Variants in SCAPER observed in about 807,000 individuals in gnomAD.
SCAPER encodes the protein S-phase cyclin A associated protein in the ER.
SCAPER carries 98 observed loss-of-function variants against 182.2 expected under a neutral mutation model. The ratio of observed to expected loss-of-function variants is 0.54; its 90% confidence interval spans 0.46 to 0.64. The LOEUF is 0.64. Ranked by LOEUF, SCAPER falls within the 30% of genes least tolerant of loss-of-function variation. The pLI, the probability that SCAPER is intolerant of heterozygous loss-of-function variation, is 0.00. For missense variants in SCAPER, 1,432 were observed against 1,690.0 expected, an observed-to-expected ratio of 0.85 and a Z score of 2.68; for synonymous variants, 605 against 564.6, an observed-to-expected ratio of 1.07 and a Z score of -1.01.
intron 17 of SCAPER, among the ~76,000 whole-genome samples, chr15:76,721,325 G>A (rs1406529539): frequency 6.6e-5 from 10 of 151,996 alleles, no homozygotes; most frequent in South Asian, 2.1e-4. Context: ...TTTGGTTACT[G>A]TAGCCTTGTA....
intron 2 of SCAPER, among the ~76,000 whole-genome samples, chr15:76,873,909 T>G (rs1348949542): frequency 2.6e-5 from 4 of 152,124 alleles, no homozygotes; most frequent in African/African-American, 9.7e-5. Context: ...TTTTTTTTTT[T>G]TTGAGATGGA....
intron 2 of SCAPER, among the ~76,000 whole-genome samples, chr15:76,882,492 GA>G (rs1039252292): frequency 7.3e-5 from 11 of 151,206 alleles, no homozygotes; most frequent in African/African-American, 2.4e-4. Context: ...TAAAAAAAAA[GA>G]AATCTTCTGG....
intron 22 of SCAPER, among the ~76,000 whole-genome samples, chr15:76,608,322 C>T (rs1318256111): frequency 6.6e-6 from 1 of 152,172 alleles, no homozygotes; most frequent in Non-Finnish European, 1.5e-5. Context: ...GCGGTGGCTG[C>T]AGAACAGCGG....
intron 26 of SCAPER, among the ~76,000 whole-genome samples, chr15:76,426,242 G>A (rs2046416238): frequency 6.6e-6 from 1 of 152,204 alleles, no homozygotes; most frequent in Non-Finnish European, 1.5e-5. Context: ...AGGCCTCCCT[G>A]AGCTGTGGTA....
At chr15:76,464,065 G>A (rs2049401690) in intron 25 of SCAPER, among the ~76,000 whole-genome samples, 1 of 121,234 alleles carries the variant, frequency 8.2e-6, no homozygotes, top group South Asian at 2.8e-4. Flanking sequence ...ATTTTTAGGT[G>A]CATATTACAA....
rs372707308 is a variant in SCAPER at position 76,368,946 on chromosome 15, TAGAA to T, written c.3855+7212_3855+7215del. 3.3e-4 allele frequency among the ~76,000 whole-genome samples: 50 copies of T among 152,304 alleles called. 3 individuals are homozygous for T. In the South Asian group the frequency reaches 0.01, roughly 32 times the overall value. ...TATAATAATTAAATGGGAAGGAATT[TAGAA>T]AGAGTCAAGAAAATGCCATAAAATA... On this transcript the variant is annotated intron_variant, in intron 29 of 31. Coordinates refer to ENST00000563290, the MANE Select transcript of SCAPER (RefSeq NM_020843.4).
At chr15:76,768,396 T>C (rs1314001776) in intron 10 of SCAPER, among the ~76,000 whole-genome samples, 2 of 152,118 alleles carry the variant, frequency 1.3e-5, no homozygotes, top group African/African-American at 4.8e-5. Flanking sequence ...TGAGACAAAC[T>C]AAGACATGAA....
chr15:76,600,222 CCAAA>C (rs2049807870), intron 22 of SCAPER, among the ~76,000 whole-genome samples: 1 of 119,266 alleles, frequency 8.4e-6, no homozygotes, highest in Admixed American at 9.8e-5. Flanking sequence ...ACACTTTGTA[CCAAA>C]CAGATAACAT....
At chr15:76,858,393 TAAGA>T (rs1407674752) in intron 3 of SCAPER, among the ~76,000 whole-genome samples, 2 of 152,196 alleles carry the variant, frequency 1.3e-5, no homozygotes, top group African/African-American at 4.8e-5. Context: ...TTCTTTTTTA[TAAGA>T]AAGACACCAA....
intron 18 of SCAPER, among the ~76,000 whole-genome samples, chr15:76,704,642 C>T (rs2059147225): frequency 6.6e-6 from 1 of 152,036 alleles, no homozygotes; most frequent in Non-Finnish European, 1.5e-5. Flanking sequence ...TCGCAACCTG[C>T]TCATCTGACA....
intron 5 of SCAPER, among the ~76,000 whole-genome samples, chr15:76,807,518 T>A (rs1437185288): frequency 6.6e-6 from 1 of 152,070 alleles, no homozygotes; most frequent in African/African-American, 2.4e-5. Context: ...TTATTTATTT[T>A]TTTTATTTTT....
intron 20 of SCAPER, among the ~76,000 whole-genome samples, chr15:76,672,527 T>C (rs981582215): frequency 1.3e-5 from 2 of 151,632 alleles, no homozygotes; most frequent in Non-Finnish European, 2.9e-5. Context: ...AATAATTAGG[T>C]CTTAAAACTC....
At chr15:76,530,766 T>C (rs550955217) in intron 23 of SCAPER, among the ~76,000 whole-genome samples, 1 of 152,118 alleles carries the variant, frequency 6.6e-6, no homozygotes, top group African/African-American at 2.4e-5. Flanking sequence ...CAAAACAATT[T>C]ACAGTGCTGA....
chr15:76,834,666 T>C (rs1327717738), intron 5 of SCAPER, among the ~76,000 whole-genome samples: 1 of 151,904 alleles, frequency 6.6e-6, no homozygotes, highest in Non-Finnish European at 1.5e-5. Flanking sequence ...GCTAGGTAGA[T>C]TAATAAAGAA....
At position 76,452,683 on chromosome 15, in the gene SCAPER, G is replaced by A. The variant is rs140105505; in HGVS notation, c.3079-18373C>T. 1.2e-3 allele frequency among the ~76,000 whole-genome samples: 178 copies of A among 152,266 alleles called. 1 individual carries two copies. Among genetic ancestry groups the A allele is most frequent in the African/African-American group, 4.1e-3 (172 of 41,538 alleles). ...TAGTTTTAAGTTATTCTGTGTTTCA[G>A]CTATTGAGGTCAATGTATGTAGCTG... On this transcript the variant is annotated intron_variant, in intron 25 of 31. Transcript: ENST00000563290.
chr15:76,826,792 T>G (rs1053015401), intron 5 of SCAPER, among the ~76,000 whole-genome samples: 1 of 152,308 alleles, frequency 6.6e-6, no homozygotes, highest in Admixed American at 6.5e-5. Context: ...TTAAATGTGG[T>G]TGAATAAAAT....
chr15:76,768,825 CA>C (rs60357495), intron 10 of SCAPER, among the ~76,000 whole-genome samples: 138,274 of 144,932 alleles, frequency 0.95, 66,122 homozygotes, highest in Non-Finnish European at 0.99. Flanking sequence ...GGTATTTTCT[CA>C]AAAAAAAAAA....
intron 23 of SCAPER, among the ~76,000 whole-genome samples, chr15:76,529,342 C>T (rs991614696): frequency 1.3e-5 from 2 of 152,274 alleles, no homozygotes; most frequent in East Asian, 1.9e-4. Context: ...CACCATTCCC[C>T]GCCAGAACTT....
At chr15:76,717,137 A>C (rs1476556547) in intron 17 of SCAPER, among the ~76,000 whole-genome samples, 1 of 52,444 alleles carries the variant, frequency 1.9e-5, no homozygotes. Flanking sequence ...CAAAATGATG[A>C]AAGGGAAAAA....
Sources: gnomAD v4.1 joint callset for allele counts (sites outside exome capture counted in the v4.1 genomes callset) on GRCh38, gnomAD v4.1.1 for gene constraint, MANE v1.5 for transcripts, NCBI Gene and HGNC (gene_info 2026-07-23, HGNC 2026-07-21) for gene names.